The following FAM110B variants were observed in gnomAD, a reference collection of about 807,000 sequenced individuals.
FAM110B encodes the protein family with sequence similarity 110 member B.
In FAM110B, 6 loss-of-function variants were observed where a neutral mutation model predicts 20.4. The observed-to-expected ratio is 0.29, with a 90% CI of 0.16 to 0.58. The LOEUF is 0.58. FAM110B is among the 20% of genes least tolerant of loss of function. The probability of loss-of-function intolerance (pLI) is 0.90; values close to 1 mark genes in which losing one functional copy is unlikely to be tolerated. For missense variants in FAM110B, 434 were observed against 498.2 expected, an observed-to-expected ratio of 0.87 and a Z score of 1.23; for synonymous variants, 226 against 214.1, an observed-to-expected ratio of 1.06 and a Z score of -0.49.
chr8:58,075,494 A>G (rs1429801770), intron 2 of FAM110B, 41 bp from the exon 3 acceptor site: 1 of 152,140 alleles, frequency 6.6e-6, no homozygotes, highest in Admixed American at 6.6e-5. Context: ...TTTTTATCAA[A>G]TAAAAAGGCA....
chr8:58,106,289 T>C (rs1399579317), intron 3 of FAM110B: 1 of 152,236 alleles, frequency 6.6e-6, no homozygotes, highest in Non-Finnish European at 1.5e-5. Context: ...GCCCCTTCTT[T>C]CCATGTCTGC....
intron 3 of FAM110B, among the ~76,000 whole-genome samples, chr8:58,092,492 G>A (rs917064723): frequency 4.6e-5 from 7 of 152,098 alleles, no homozygotes; most frequent in South Asian, 2.1e-4. Context: ...GAGAACATGC[G>A]GTGTTTGGTT....
At chr8:58,024,287 G>A (rs1468991208) in intron 1 of FAM110B, among the ~76,000 whole-genome samples, 1 of 150,280 alleles carries the variant, frequency 6.7e-6, no homozygotes, top group African/African-American at 2.5e-5. Flanking sequence ...TTTTTCCATA[G>A]CATGTGAGGA....
chr8:58,120,413 TC>T (rs1807330188), intron 3 of FAM110B, among the ~76,000 whole-genome samples: 1 of 152,186 alleles, frequency 6.6e-6, no homozygotes. Context: ...ATCTGAATTA[TC>T]CTGTAGACTG....
At chr8:58,010,381 A>G (rs985402298) in intron 1 of FAM110B, among the ~76,000 whole-genome samples, 4 of 151,930 alleles carry the variant, frequency 2.6e-5, no homozygotes, top group South Asian at 4.2e-4. Context: ...CCAGCTTCCT[A>G]TAGAGTTTGC....
chr8:58,112,220 T>C (rs926773313), intron 3 of FAM110B, among the ~76,000 whole-genome samples: 1 of 152,136 alleles, frequency 6.6e-6, no homozygotes, highest in African/African-American at 2.4e-5. Context: ...TTCCATCTAC[T>C]TGGGAAGCTG....
chr8:58,132,796 C>T (rs1016635715), intron 3 of FAM110B, among the ~76,000 whole-genome samples: 1 of 152,214 alleles, frequency 6.6e-6, no homozygotes, highest in African/African-American at 2.4e-5. Flanking sequence ...CTACCTTATA[C>T]TGCAAGCAAA....
intron 1 of FAM110B, among the ~76,000 whole-genome samples, chr8:57,995,573 C>T (rs1216263615): frequency 6.6e-6 from 1 of 152,142 alleles, no homozygotes; most frequent in Non-Finnish European, 1.5e-5. Flanking sequence ...CTGGTGCCCT[C>T]CTATTGTTTA....
intron 3 of FAM110B, among the ~76,000 whole-genome samples, chr8:58,083,701 G>A (rs571675700): frequency 2.6e-5 from 4 of 152,258 alleles, no homozygotes; most frequent in South Asian, 2.1e-4. Flanking sequence ...CCTGGGCTTC[G>A]TGTTCTGTAT....
At chr8:58,007,917 A>T (rs1804444661) in intron 1 of FAM110B, among the ~76,000 whole-genome samples, 2 of 152,110 alleles carry the variant, frequency 1.3e-5, no homozygotes, top group South Asian at 4.1e-4. Context: ...AGAAGGTGTT[A>T]TTTTCTTCTT....
At chr8:58,029,777 A>C (rs1804930745) in intron 1 of FAM110B, among the ~76,000 whole-genome samples, 1 of 152,170 alleles carries the variant, frequency 6.6e-6, no homozygotes, top group Non-Finnish European at 1.5e-5. Context: ...CTAAGTTTCA[A>C]GCATCTGTGC....
rs543805060 is a variant in FAM110B at position 58,147,690 on chromosome 8, T to C, written c.*347T>C. 41 of 223,686 alleles carry C rather than the reference T, an allele frequency of 1.8e-4. No homozygotes were observed. The highest frequency in any genetic ancestry group is 8.9e-4 in the Admixed American group (17 of 19,172). The allele number at this position is 223,686 out of a possible 1,614,324, so 13.9% of individuals were successfully genotyped here. A position where few individuals can be genotyped will look rare whatever the true frequency, so the allele number is the denominator to read the frequency against. On this transcript the variant is annotated 3_prime_UTR_variant, in exon 4 of 4. Coordinates refer to ENST00000519262, the MANE Select transcript of FAM110B (RefSeq NM_001377989.1). The stretch of plus-strand genomic sequence containing the variant: ...GCTATTGTGTCTTAATTAAAAGTTT[T>C]ATCAACTGGCTTTTAAGTTGAGAGC...
chr8:58,065,194 A>G (rs1260344080), intron 2 of FAM110B, among the ~76,000 whole-genome samples: 2 of 152,318 alleles, frequency 1.3e-5, no homozygotes, highest in East Asian at 3.9e-4. Context: ...TTGATTTTGG[A>G]CAGTAAGTGC....
intron 3 of FAM110B, among the ~76,000 whole-genome samples, chr8:58,085,181 G>GC (rs1468494022): frequency 2.6e-5 from 4 of 152,170 alleles, no homozygotes; most frequent in Non-Finnish European, 5.9e-5. Flanking sequence ...TGGGGGTCAT[G>GC]CCCCCTTCCT....
chr8:58,096,439 G>A (rs910782904), intron 3 of FAM110B, among the ~76,000 whole-genome samples: 2 of 152,156 alleles, frequency 1.3e-5, no homozygotes, highest in African/African-American at 4.8e-5. Flanking sequence ...GCCTCCCAAA[G>A]TGTTGGGATT....
At chr8:58,017,044 C>G (rs914929295) in intron 1 of FAM110B, among the ~76,000 whole-genome samples, 1 of 152,170 alleles carries the variant, frequency 6.6e-6, no homozygotes, top group African/African-American at 2.4e-5. Flanking sequence ...TTTACTTTTT[C>G]AGTGCCTAGG....
At chr8:58,044,390 T>C (rs1311813653) in intron 2 of FAM110B, among the ~76,000 whole-genome samples, 1 of 152,226 alleles carries the variant, frequency 6.6e-6, no homozygotes, top group Non-Finnish European at 1.5e-5. Flanking sequence ...TGGTAATAGT[T>C]CATGCTTTAT....
At chr8:58,079,563 GA>G (rs1168218099) in intron 3 of FAM110B, among the ~76,000 whole-genome samples, 1 of 152,136 alleles carries the variant, frequency 6.6e-6, no homozygotes, top group Non-Finnish European at 1.5e-5. Context: ...GATCGCTTCA[GA>G]CCAGGAGGTC....
rs1803696801 is a variant in FAM110B at position 58,139,681 on chromosome 8, A to C, written c.-324-6226A>C. On this transcript the variant is annotated intron_variant, in intron 3 of 3. Coordinates refer to ENST00000519262, the MANE Select transcript of FAM110B (RefSeq NM_001377989.1). ...ATATTATGAATTAAAATGAATAAATACTTGGGGAGGCCGAGGTGGGTGGAT... is the reference window on the plus strand; with the variant it reads ...ATATTATGAATTAAAATGAATAAATCCTTGGGGAGGCCGAGGTGGGTGGAT... Among the ~76,000 whole-genome samples, 2 of 152,204 alleles carry C rather than the reference A, an allele frequency of 1.3e-5. 1 individual carries two copies. The highest frequency in any genetic ancestry group is 1.3e-4 in the Admixed American group (2 of 15,272).
Sources: gnomAD v4.1 joint callset for allele counts (sites outside exome capture counted in the v4.1 genomes callset) on GRCh38, gnomAD v4.1.1 for gene constraint, MANE v1.5 for transcripts, NCBI Gene and HGNC (gene_info 2026-07-23, HGNC 2026-07-21) for gene names.